The following RALYL variants were observed in gnomAD, a reference collection of about 807,000 sequenced individuals.
RALYL encodes the protein RALY RNA binding protein like.
A neutral mutation model predicts 35.1 loss-of-function variants in RALYL; 29 were observed. That is an observed-to-expected ratio of 0.83 (90% CI 0.61 to 1.13). RALYL has a LOEUF of 1.13. RALYL is among the 50% of genes most tolerant of loss of function. The pLI, the probability that RALYL is intolerant of heterozygous loss-of-function variation, is 0.00. For missense variants in RALYL, 359 were observed against 360.4 expected, an observed-to-expected ratio of 1.00 and a Z score of 0.03; for synonymous variants, 120 against 127.6, an observed-to-expected ratio of 0.94 and a Z score of 0.40.
In RALYL at chr8:84,778,726, A is replaced by G. The variant is rs370885538; in HGVS notation, c.332+4072A>G. ...GTGAATATATCTATATATCAGGTTAAGGAGAGCTGACTTTTATTCTGTAGG... is the reference window on the plus strand; with the variant it reads ...GTGAATATATCTATATATCAGGTTAGGGAGAGCTGACTTTTATTCTGTAGG... On this transcript the variant is annotated intron_variant, in intron 3 of 8. Transcript: ENST00000521268. Among the ~76,000 whole-genome samples the G allele has an allele frequency of 3.3e-5, 5 of 152,344 alleles. No individual in the cohort carries two copies. In the East Asian group the frequency reaches 7.7e-4, roughly 24 times the overall value.
intron 6 of RALYL, among the ~76,000 whole-genome samples, chr8:84,865,536 C>A (rs1039480353): frequency 1.3e-5 from 2 of 152,176 alleles, no homozygotes; most frequent in Non-Finnish European, 2.9e-5. Context: ...TGCCACTAGG[C>A]ATTTCTGTCC....
chr8:84,848,519 C>T (rs1299438024), intron 4 of RALYL, among the ~76,000 whole-genome samples: 1 of 151,560 alleles, frequency 6.6e-6, no homozygotes, highest in African/African-American at 2.4e-5. Flanking sequence ...ATACATACTA[C>T]ATGGATAAAC....
chr8:84,537,859 C>T (rs907333039), intron 2 of RALYL, among the ~76,000 whole-genome samples: 3 of 152,174 alleles, frequency 2.0e-5, no homozygotes, highest in African/African-American at 7.2e-5. Flanking sequence ...TCAGAAATTT[C>T]TTCCAATATT....
At chr8:84,617,869 G>C (rs2130997095) in intron 2 of RALYL, among the ~76,000 whole-genome samples, 1 of 151,826 alleles carries the variant, frequency 6.6e-6, no homozygotes, top group South Asian at 2.1e-4. Flanking sequence ...TTTTGTCTTT[G>C]GCTCTGTCTT....
chr8:84,851,110 ATTCT>A (rs1352009342), intron 5 of RALYL, among the ~76,000 whole-genome samples: 1 of 152,108 alleles, frequency 6.6e-6, no homozygotes. Flanking sequence ...TCTTTGATCA[ATTCT>A]TTCTTTTGAT....
chr8:84,793,054 A>G (rs1372078775), intron 3 of RALYL, among the ~76,000 whole-genome samples: 1 of 152,200 alleles, frequency 6.6e-6, no homozygotes. Flanking sequence ...CAGAAGTTAG[A>G]GTAGGCCAAG....
chr8:84,646,063 G>A (rs1275909234), intron 2 of RALYL, among the ~76,000 whole-genome samples: 1 of 151,800 alleles, frequency 6.6e-6, no homozygotes, highest in Non-Finnish European at 1.5e-5. Flanking sequence ...TTAAATATTA[G>A]TTCTCTTTCA....
chr8:84,274,322 T>C (rs1208590764), intron 1 of RALYL, among the ~76,000 whole-genome samples: 5 of 152,170 alleles, frequency 3.3e-5, no homozygotes, highest in Non-Finnish European at 5.9e-5. Context: ...TTCTTTTCCA[T>C]TTAATGACTT....
At chr8:84,796,613 C>A (rs1202016501) in intron 3 of RALYL, among the ~76,000 whole-genome samples, 1 of 152,142 alleles carries the variant, frequency 6.6e-6, no homozygotes, top group East Asian at 1.9e-4. Flanking sequence ...TAACCATTTA[C>A]CTTGTAACAA....
chr8:84,281,929 G>T (rs1836653477), intron 1 of RALYL, among the ~76,000 whole-genome samples: 1 of 151,950 alleles, frequency 6.6e-6, no homozygotes, highest in Non-Finnish European at 1.5e-5. Context: ...ATCCCTGCCT[G>T]CTTTTCACAC....
Position 84,225,397 on chromosome 8 carries a change from C to T in RALYL, c.-24+40973C>T, listed in dbSNP as rs558657563. 7.6e-4 allele frequency among the ~76,000 whole-genome samples: 116 copies of T among 152,288 alleles called. 2 individuals carry two copies. The South Asian group carries it at 0.023, about 30-fold the overall frequency. ...GTCACAAGCTGGCTTAGTCCTTCAGCAGATTTTCATTACCCTTAGAACAAT... is the reference window on the plus strand; with the variant it reads ...GTCACAAGCTGGCTTAGTCCTTCAGTAGATTTTCATTACCCTTAGAACAAT... On this transcript the variant is annotated intron_variant, in intron 1 of 8. Transcript: ENST00000521268.
intron 1 of RALYL, among the ~76,000 whole-genome samples, chr8:84,403,644 T>C (rs1007947518): frequency 1.3e-5 from 2 of 151,360 alleles, no homozygotes; most frequent in Admixed American, 1.3e-4. Flanking sequence ...TCTTTTTGCT[T>C]AGGATCATCT....
At chr8:84,682,184 T>C (rs1475838986) in intron 2 of RALYL, among the ~76,000 whole-genome samples, 1 of 152,210 alleles carries the variant, frequency 6.6e-6, no homozygotes, top group Non-Finnish European at 1.5e-5. Context: ...ATCCCAGGGA[T>C]GAAGCCCACT....
intron 1 of RALYL, among the ~76,000 whole-genome samples, chr8:84,492,932 T>G (rs2134070090): frequency 6.6e-6 from 1 of 150,890 alleles, no homozygotes; most frequent in South Asian, 2.1e-4. Context: ...CTCTAAGTTC[T>G]GGGATACATG....
chr8:84,279,626 T>A (rs919875691), intron 1 of RALYL, among the ~76,000 whole-genome samples: 140 of 152,326 alleles, frequency 9.2e-4, no homozygotes, highest in African/African-American at 3.3e-3. Context: ...TTAGTAGAGC[T>A]ATGTTATTTG....
intron 8 of RALYL, among the ~76,000 whole-genome samples, chr8:84,904,059 G>A (rs1024870711): frequency 3.9e-5 from 6 of 152,238 alleles, no homozygotes; most frequent in African/African-American, 4.8e-5. Flanking sequence ...TTCTCAAATC[G>A]CAGATTATAT....
intron 1 of RALYL, among the ~76,000 whole-genome samples, chr8:84,229,352 T>C (rs189046982): frequency 1.8e-4 from 28 of 152,182 alleles, no homozygotes; most frequent in Non-Finnish European, 3.1e-4. Flanking sequence ...TTGAACTGAG[T>C]CTTGAGAAAT....
At chr8:84,257,818 A>G (rs1240195992) in intron 1 of RALYL, among the ~76,000 whole-genome samples, 2 of 152,176 alleles carry the variant, frequency 1.3e-5, no homozygotes, top group Admixed American at 6.5e-5. Context: ...AATGTTTGCT[A>G]CAAACATCAG....
intron 3 of RALYL, among the ~76,000 whole-genome samples, chr8:84,795,153 G>A (rs550364695): frequency 1.5e-4 from 23 of 152,332 alleles, no homozygotes; most frequent in African/African-American, 4.8e-4. Context: ...TTTTACTCCA[G>A]AGAAATTGAT....
Sources: gnomAD v4.1 joint callset for allele counts (sites outside exome capture counted in the v4.1 genomes callset) on GRCh38, gnomAD v4.1.1 for gene constraint, MANE v1.5 for transcripts, NCBI Gene and HGNC (gene_info 2026-07-23, HGNC 2026-07-21) for gene names.